CTH: variants seen among roughly 807,000 people sequenced by gnomAD.
CTH encodes the protein cystathionase (cystathionine gamma-lyase).
In CTH, 41 loss-of-function variants were observed where a neutral mutation model predicts 50.6. That is an observed-to-expected ratio of 0.81 (90% CI 0.63 to 1.05). CTH has a LOEUF of 1.05. Among genes scored for constraint, CTH ranks in the 50% least tolerant of loss-of-function variants. CTH has a pLI of 0.00. For synonymous variants in CTH, 156 were observed against 168.9 expected (o/e 0.92, Z 0.59); for missense variants, 470 against 492.6 (o/e 0.95, Z 0.43).
At chr1:70,422,167 C>T (rs1684239398) in intron 4 of CTH, among the ~76,000 whole-genome samples, 1 of 152,158 alleles carries the variant, frequency 6.6e-6, no homozygotes, top group South Asian at 2.1e-4. Flanking sequence ...GCCTGCCAAA[C>T]CCCCAAACTC....
chr1:70,439,036 T>C (rs1048075034), intron 11 of CTH, 65 bp from the exon 12 acceptor site: 1 of 1,552,328 alleles, frequency 6.4e-7, no homozygotes. Context: ...AAAGGACTTC[T>C]TGAGGAGTTG....
intron 10 of CTH, among the ~76,000 whole-genome samples, chr1:70,436,117 C>G (rs1046403725): frequency 1.3e-5 from 2 of 151,912 alleles, no homozygotes; most frequent in Admixed American, 1.3e-4. Flanking sequence ...TCAAGACCAG[C>G]CTGGCCAACA....
intron 10 of CTH, among the ~76,000 whole-genome samples, chr1:70,435,715 C>A (rs756295264): frequency 6.6e-6 from 1 of 151,988 alleles, no homozygotes; most frequent in Non-Finnish European, 1.5e-5. Flanking sequence ...TGGTACCAGG[C>A]CCTTCAGTAT....
chr1:70,426,213 T>C (rs1684343161), intron 5 of CTH, among the ~76,000 whole-genome samples: 1 of 152,238 alleles, frequency 6.6e-6, no homozygotes, highest in Admixed American at 6.5e-5. Context: ...TATAATTAAC[T>C]TGTTTCCTGC....
At chr1:70,431,284 A>G (rs473334) in intron 7 of CTH, 40,219 of 152,142 alleles carry the variant, frequency 0.26, 5,558 homozygotes, top group Middle Eastern at 0.31. Context: ...TCATAATTTG[A>G]TAAAGCCCTA....
intron 1 of CTH, among the ~76,000 whole-genome samples, chr1:70,414,823 AT>A (rs55649842): frequency 7.4e-5 from 11 of 149,282 alleles, no homozygotes; most frequent in South Asian, 2.1e-4. Context: ...GAATAATGCA[AT>A]TTTTTTTTTT....
intron 5 of CTH, 46 bp from the exon 6 acceptor site, chr1:70,429,748 A>G (rs752753614): frequency 7.4e-7 from 1 of 1,358,478 alleles, no homozygotes; most frequent in Non-Finnish European, 1.1e-6. Flanking sequence ...AATGAAGCAT[A>G]TTTTCAAATT....
chr1:70,420,559 C>T (rs78558660), intron 3 of CTH, among the ~76,000 whole-genome samples: 3,478 of 152,220 alleles, frequency 0.023, 137 homozygotes, highest in African/African-American at 0.079. Context: ...TGCTTACCCG[C>T]TGCTCACCTC....
At chr1:70,422,402 T>C (rs969030401) in intron 4 of CTH, among the ~76,000 whole-genome samples, 3 of 152,200 alleles carry the variant, frequency 2.0e-5, no homozygotes, top group Non-Finnish European at 2.9e-5. Flanking sequence ...GTCAGCTGTT[T>C]ACAACTTTTT....
chr1:70,414,120 A>C (rs1222498352), intron 1 of CTH, among the ~76,000 whole-genome samples: 1 of 151,996 alleles, frequency 6.6e-6, no homozygotes, highest in Admixed American at 6.6e-5. Flanking sequence ...AAGCCACGTG[A>C]ATCCAAACTT....
chr1:70,423,572 TA>T (rs11413197), intron 4 of CTH, among the ~76,000 whole-genome samples: 33 of 147,060 alleles, frequency 2.2e-4, no homozygotes, highest in African/African-American at 2.7e-4. Flanking sequence ...CCCTGCTGCT[TA>T]AAAAAAAAAA....
Position 70,439,370 on chromosome 1 carries a change from G to A in CTH, c.*243G>A. 9.6e-6 allele frequency: 5 copies of A among 518,832 alleles called. No individual in the cohort carries two copies. Among genetic ancestry groups the A allele is most frequent in the Non-Finnish European group, 1.7e-5 (5 of 292,522 alleles). The allele number at this position is 518,832 out of a possible 1,614,324, so 32.1% of individuals were successfully genotyped here. A position where few individuals can be genotyped will look rare whatever the true frequency, so the allele number is the denominator to read the frequency against. ...TTAATTTTGCTCTATGTTTGCCTCT[G>A]AAGGAGGTGAGATTTGTGCTACTTT... On this transcript the variant is annotated 3_prime_UTR_variant, in exon 12 of 12. Coordinates refer to ENST00000370938, the MANE Select transcript of CTH (RefSeq NM_001902.6).
chr1:70,420,374 C>T (rs1684188646), intron 3 of CTH, among the ~76,000 whole-genome samples: 1 of 152,158 alleles, frequency 6.6e-6, no homozygotes, highest in African/African-American at 2.4e-5. Flanking sequence ...CTCAGATCAT[C>T]AGGCACTATT....
rs371678444 is a variant in CTH, at chr1:70,439,130, T to C, written c.*3T>C. ...CTCCAAGTGGAAGTCACAGCTAGTA[T>C]TCCAGAGCTGCTATTAGAAGCTGCT... On this transcript the variant is annotated 3_prime_UTR_variant, in exon 12 of 12. Coordinates refer to ENST00000370938, the MANE Select transcript of CTH (RefSeq NM_001902.6). 3.1e-6 allele frequency: 5 copies of C among 1,611,224 alleles called. No individual in the cohort carries two copies. In the South Asian group the frequency reaches 5.5e-5, roughly 18 times the overall value.
intron 5 of CTH, among the ~76,000 whole-genome samples, chr1:70,427,004 G>A (rs1684360637): frequency 6.6e-6 from 1 of 152,092 alleles, no homozygotes; most frequent in East Asian, 1.9e-4. Context: ...CATTCCGCAT[G>A]CCAATGATTG....
At chr1:70,423,387 C>T (rs955575498) in intron 4 of CTH, among the ~76,000 whole-genome samples, 1 of 150,618 alleles carries the variant, frequency 6.6e-6, no homozygotes, top group Non-Finnish European at 1.5e-5. Flanking sequence ...TAGCGAGACC[C>T]TTTCTCTGCA....
intron 3 of CTH, 87 bp from the exon 4 acceptor site, chr1:70,421,479 A>T: frequency 7.3e-7 from 1 of 1,377,772 alleles, no homozygotes; most frequent in Non-Finnish European, 1.0e-6. Flanking sequence ...AGAGTTCCAT[A>T]TATTTTGTAA....
Position 70,424,433 on chromosome 1 carries a change from T to C in CTH, c.588+17T>C. ...TATTTCCAGGTAAATGAAAATAATTTTTTTTGGCACAATTAGTAGACCACA... is the reference window on the plus strand; with the variant it reads ...TATTTCCAGGTAAATGAAAATAATTCTTTTTGGCACAATTAGTAGACCACA... On this transcript the variant is annotated intron_variant, in intron 5 of 11. Coordinates refer to ENST00000370938, the MANE Select transcript of CTH (RefSeq NM_001902.6). 2 of 1,613,724 alleles carry C rather than the reference T, an allele frequency of 1.2e-6. No homozygotes were observed. Among genetic ancestry groups the C allele is most frequent in the Non-Finnish European group, 1.7e-6 (2 of 1,179,798 alleles).
chr1:70,415,650 A>G (rs1684074837), intron 1 of CTH, among the ~76,000 whole-genome samples: 2 of 152,234 alleles, frequency 1.3e-5, no homozygotes, highest in Admixed American at 1.3e-4. Context: ...CAACAATTTT[A>G]TGAACCAGAT....
Sources: allele counts gnomAD v4.1 joint callset (sites outside exome capture counted in the v4.1 genomes callset), GRCh38; gene constraint gnomAD v4.1.1; transcripts MANE v1.5; gene names NCBI Gene and HGNC (gene_info 2026-07-23, HGNC 2026-07-21).